The following ZFAND4 variants were observed in gnomAD, a reference collection of about 807,000 sequenced individuals.
ZFAND4 encodes zinc finger AN1-type containing 4.
Under a neutral mutation model 64.4 loss-of-function variants are expected in ZFAND4, and 43 were observed. The observed-to-expected ratio is 0.67, with a 90% CI of 0.52 to 0.86. The LOEUF is 0.86. Among genes scored for constraint, ZFAND4 ranks in the 40% least tolerant of loss-of-function variants. ZFAND4 has a pLI of 0.00. For missense variants in ZFAND4, 929 were observed against 859.8 expected (o/e 1.08, Z -1.01); for synonymous variants, 296 against 305.7 (o/e 0.97, Z 0.33).
intron 2 of ZFAND4, among the ~76,000 whole-genome samples, chr10:45,657,487 A>G (rs547709228): frequency 2.6e-5 from 4 of 152,256 alleles, no homozygotes; most frequent in African/African-American, 9.6e-5. Context: ...TGTATTACTC[A>G]TACAAACACA....
intron 1 of ZFAND4, among the ~76,000 whole-genome samples, chr10:45,664,399 G>A (rs751346820): frequency 2.0e-5 from 3 of 151,544 alleles, no homozygotes; most frequent in Non-Finnish European, 4.4e-5. Flanking sequence ...CTCCCAAGAA[G>A]CTGGGATTAC....
chr10:45,623,457 C>A (rs1388126317), intron 8 of ZFAND4, among the ~76,000 whole-genome samples: 1 of 152,092 alleles, frequency 6.6e-6, no homozygotes, highest in Non-Finnish European at 1.5e-5. Context: ...ACGCACAATA[C>A]AGTATCAGCC....
At chr10:45,666,526 AG>A (rs150068851) in intron 1 of ZFAND4, among the ~76,000 whole-genome samples, 15,329 of 152,208 alleles carry the variant, frequency 0.1, 979 homozygotes, top group Non-Finnish European at 0.14. Flanking sequence ...TGAAACACAA[AG>A]GTTTTTAATT....
rs959063445 is a variant in ZFAND4 at position 45,622,051 on chromosome 10, C to T, written c.1927+2532G>A. Among the ~76,000 whole-genome samples, 5 of 151,974 alleles carry T rather than the reference C, an allele frequency of 3.3e-5. No homozygotes were observed. The East Asian group carries it at 7.7e-4, about 23-fold the overall frequency. On this transcript the variant is annotated intron_variant, in intron 8 of 9. Transcript: ENST00000344646. ...CAAATTTCCAAGAAGATCAGTTGTGCGTTAGGGCAGGACAGAGTTATGTGT... is the reference window on the plus strand; with the variant it reads ...CAAATTTCCAAGAAGATCAGTTGTGTGTTAGGGCAGGACAGAGTTATGTGT...
chr10:45,651,474 A>C, intron 4 of ZFAND4: 1 of 439,260 alleles, frequency 2.3e-6, no homozygotes, highest in South Asian at 1.7e-5. Flanking sequence ...GTATTTGTTG[A>C]ATGAATGACT....
intron 9 of ZFAND4, 71 bp from the exon 10 acceptor site, chr10:45,616,642 G>T: frequency 6.4e-7 from 1 of 1,554,114 alleles, no homozygotes; most frequent in African/African-American, 1.4e-5. Context: ...GGAGACAGGA[G>T]CTTGACTTCA....
chr10:45,672,614 G>C lies in ZFAND4; in HGVS notation c.-482C>G, dbSNP rs1379303693. On this transcript the variant is annotated 5_prime_UTR_variant, in exon 1 of 10. Coordinates refer to ENST00000344646, the MANE Select transcript of ZFAND4 (RefSeq NM_174890.4). The stretch of plus-strand genomic sequence containing the variant: ...CCACGACGGCCGGCGGCGGCAGCGC[G>C]GCTGGGCTCAGCGGCTCGCAGCCCG... 6.6e-6 allele frequency: 1 copy of C among 151,926 alleles called. No individual in the cohort carries two copies. Among genetic ancestry groups the C allele is most frequent in the Non-Finnish European group, 1.5e-5 (1 of 68,014 alleles). The allele number at this position is 151,926 out of a possible 1,614,324, so 9.4% of individuals were successfully genotyped here.
intron 6 of ZFAND4, among the ~76,000 whole-genome samples, chr10:45,637,510 G>GGGA (rs2046688912): frequency 6.6e-6 from 1 of 152,070 alleles, no homozygotes; most frequent in Non-Finnish European, 1.5e-5. Flanking sequence ...CCAGCACTTT[G>GGGA]GGAGGCCGAG....
chr10:45,640,113 A>G lies in ZFAND4; in HGVS notation c.570-150T>C, dbSNP rs2046883535. The G allele has an allele frequency of 3.9e-6, 5 of 1,288,240 alleles. No homozygotes were observed. In the Middle Eastern group the frequency reaches 8.6e-4, roughly 220 times the overall value. 79.8% of individuals were successfully genotyped at this position (1,288,240 alleles called of 1,614,324 possible). ...GTTAATGTCAGGAAAATATATTTCA[A>G]AGAATGTACTTCTTAAAAGAAAAAA... is the stretch of plus-strand genomic sequence containing the variant. On this transcript the variant is annotated intron_variant, in intron 5 of 9. Coordinates refer to ENST00000344646, the MANE Select transcript of ZFAND4 (RefSeq NM_174890.4).
At chr10:45,630,322 G>A (rs1033541797) in intron 6 of ZFAND4, among the ~76,000 whole-genome samples, 2 of 152,130 alleles carry the variant, frequency 1.3e-5, no homozygotes, top group Non-Finnish European at 2.9e-5. Context: ...CGAAATGAGA[G>A]CTGAGCAAAC....
chr10:45,656,501 C>CAAAAAAAAAAAAAAAAAAAA (rs541781976), intron 2 of ZFAND4, among the ~76,000 whole-genome samples: 62 of 24,606 alleles, frequency 2.5e-3, no homozygotes, highest in Admixed American at 3.2e-3. Flanking sequence ...GAACCTGTCT[C>CAAAAAAAAAAAAAAAAAAAA]AAAAAAAAAA....
At chr10:45,658,336 G>GA (rs1254247979) in intron 2 of ZFAND4, among the ~76,000 whole-genome samples, 9 of 152,252 alleles carry the variant, frequency 5.9e-5, no homozygotes, top group African/African-American at 2.2e-4. Flanking sequence ...CAAACCCCCA[G>GA]GAGCTGGGTG....
intron 5 of ZFAND4, among the ~76,000 whole-genome samples, chr10:45,642,866 G>T (rs2047109216): frequency 7.4e-6 from 1 of 135,232 alleles, no homozygotes; most frequent in Non-Finnish European, 1.6e-5. Context: ...ACATTTCCTT[G>T]AATTTCTAAA....
rs1190066161 is a variant in ZFAND4 at position 45,672,650 on chromosome 10, C to G, written c.-518G>C. ...GCGGCTCGCAGCCCGGGCGCCCCCC[C>G]TGCCGGCCGCTCGCTAGCTCAGCCT... On this transcript the variant is annotated 5_prime_UTR_variant, in exon 1 of 10. Transcript: ENST00000344646. 2 of 151,960 alleles carry G rather than the reference C, an allele frequency of 1.3e-5. No homozygotes were observed. The highest frequency in any genetic ancestry group is 2.9e-5 in the Non-Finnish European group (2 of 67,954). 9.4% of individuals were successfully genotyped at this position (151,960 alleles called of 1,614,324 possible). A position where few individuals can be genotyped will look rare whatever the true frequency, so the allele number is the denominator to read the frequency against.
chr10:45,634,719 T>A (rs2046436704), intron 6 of ZFAND4, among the ~76,000 whole-genome samples: 1 of 152,092 alleles, frequency 6.6e-6, no homozygotes, highest in African/African-American at 2.4e-5. Flanking sequence ...AGTCAAATTA[T>A]CCTTGATTGC....
In ZFAND4 at chr10:45,672,678, C is replaced by T. The variant is rs2049287235; in HGVS notation, c.-546G>A. ...CCGGCCGCTCGCTAGCTCAGCCTCA[C>T]CCGCAGTCTTGTCCGCTGGCTCGCT... On this transcript the variant is annotated 5_prime_UTR_variant, in exon 1 of 10. The change creates a new upstream start codon in the 5' untranslated region. Coordinates refer to ENST00000344646, the MANE Select transcript of ZFAND4 (RefSeq NM_174890.4). 1 of 152,122 alleles carries T rather than the reference C, an allele frequency of 6.6e-6. No homozygotes were observed. Among genetic ancestry groups the T allele is most frequent in the Non-Finnish European group, 1.5e-5 (1 of 68,022 alleles). 9.4% of individuals were successfully genotyped at this position (152,122 alleles called of 1,614,324 possible).
intron 4 of ZFAND4, chr10:45,650,210 G>C (rs997330553): frequency 2.6e-5 from 4 of 152,040 alleles, no homozygotes; most frequent in Non-Finnish European, 5.9e-5. Flanking sequence ...AGACTGGACT[G>C]TAGTGGCGCA....
chr10:45,636,179 G>C (rs2046582068), intron 6 of ZFAND4, among the ~76,000 whole-genome samples: 1 of 151,986 alleles, frequency 6.6e-6, no homozygotes, highest in African/African-American at 2.4e-5. Context: ...TTTTTATTCA[G>C]TGAAAAAATA....
chr10:45,624,587 G>C lies in ZFAND4; in HGVS notation c.1923C>G (p.Ser641Arg). The C allele has an allele frequency of 3.1e-6, 5 of 1,613,514 alleles. No homozygotes were observed. Among genetic ancestry groups the C allele is most frequent in the Non-Finnish European group, 4.2e-6 (5 of 1,179,758 alleles). ...TCAAAATTATCTGTAGCTTACCTAC[G>C]CTTTTCCCTGCTGCTGCATTATTTC... ...MNGNNAAAGK[S>R]VGECTTHHLP... The change falls in exon 8 of 10, where the codon AGC (serine) becomes AGG (arginine). Residue 641 changes from serine to arginine, a missense_variant. Coordinates refer to ENST00000344646, the MANE Select transcript of ZFAND4 (RefSeq NM_174890.4).
Sources: gnomAD v4.1 joint callset for allele counts (sites outside exome capture counted in the v4.1 genomes callset) on GRCh38, gnomAD v4.1.1 for gene constraint, MANE v1.5 for transcripts, NCBI Gene and HGNC (gene_info 2026-07-23, HGNC 2026-07-21) for gene names.